The following RPTOR variants were observed in gnomAD, a reference collection of about 807,000 sequenced individuals.
RPTOR encodes regulatory-associated protein of mTOR.
Under a neutral mutation model 169.9 loss-of-function variants are expected in RPTOR, and 21 were observed. That is an observed-to-expected ratio of 0.12 (90% CI 0.09 to 0.18). The LOEUF (loss-of-function observed/expected upper bound fraction) is 0.18, where lower values mean the gene tolerates loss of function less well. Ranked by LOEUF, RPTOR falls within the 10% of genes least tolerant of loss-of-function variation. The pLI, the probability that RPTOR is intolerant of heterozygous loss-of-function variation, is 1.00. For synonymous variants in RPTOR, 732 were observed against 753.2 expected, an observed-to-expected ratio of 0.97 and a Z score of 0.46; for missense variants, 1,133 against 1,855.9, an observed-to-expected ratio of 0.61 and a Z score of 7.16.
At chr17:80,954,509 T>TCCTGTC (rs72532144) in intron 28 of RPTOR, among the ~76,000 whole-genome samples, 2 of 152,074 alleles carry the variant, frequency 1.3e-5, no homozygotes, top group South Asian at 4.1e-4. Context: ...TAAGCAATCC[T>TCCTGTC]CTGTCTCGGC....
intron 5 of RPTOR, among the ~76,000 whole-genome samples, chr17:80,753,569 C>T (rs531876666): frequency 7.2e-5 from 10 of 138,672 alleles, no homozygotes; most frequent in African/African-American, 2.7e-4. Context: ...GGAGGCGGAG[C>T]TTGCAGTGAG....
intron 24 of RPTOR, among the ~76,000 whole-genome samples, chr17:80,939,371 TCGCACACA>T (rs1476899475): frequency 1.3e-5 from 2 of 152,182 alleles, no homozygotes; most frequent in Admixed American, 6.5e-5. Context: ...ATGCACGCAC[TCGCACACA>T]CGCACACACA....
intron 3 of RPTOR, among the ~76,000 whole-genome samples, chr17:80,669,078 C>T (rs1215706867): frequency 1.3e-5 from 2 of 152,196 alleles, no homozygotes; most frequent in African/African-American, 2.4e-5. Flanking sequence ...CCAGGCTACC[C>T]TAAGTGTGCA....
chr17:80,768,290 GTGC>G (rs1387599397), intron 6 of RPTOR, among the ~76,000 whole-genome samples: 1 of 152,190 alleles, frequency 6.6e-6, no homozygotes, highest in Non-Finnish European at 1.5e-5. Context: ...GAACCATGGA[GTGC>G]GTGATCTCAC....
At chr17:80,720,722 G>A (rs2066278009) in intron 4 of RPTOR, among the ~76,000 whole-genome samples, 1 of 152,194 alleles carries the variant, frequency 6.6e-6, no homozygotes. Context: ...GCTTGAGTGC[G>A]CCCAGCATCA....
chr17:80,855,400 C>T (rs2067841069), intron 11 of RPTOR, 64 bp from the exon 12 acceptor site: 16 of 1,219,938 alleles, frequency 1.3e-5, no homozygotes, highest in Non-Finnish European at 1.6e-5. Context: ...GCTCATGCAG[C>T]AGCGTTTCGG....
chr17:80,904,071 G>A lies in RPTOR; in HGVS notation c.2402-4740G>A, dbSNP rs545197620. On this transcript the variant is annotated intron_variant, in intron 20 of 33. Transcript: ENST00000306801. ...GCTGAGAAAACGATGCAGACGCACC[G>A]CCCACCCGGCCCGGGAGGTGCTGCG... is the stretch of plus-strand genomic sequence containing the variant. Among the ~76,000 whole-genome samples, 437 of 152,336 alleles carry A rather than the reference G, an allele frequency of 2.9e-3. 3 individuals carry two copies. Among genetic ancestry groups the A allele is most frequent in the African/African-American group, 0.01 (434 of 41,580 alleles).
chr17:80,966,337 G>A lies in RPTOR; in HGVS notation c.*2007G>A, dbSNP rs1051401003. The A allele has an allele frequency of 4.3e-6, 1 of 230,274 alleles. No homozygotes were observed. The highest frequency in any genetic ancestry group is 8.6e-6 in the Non-Finnish European group (1 of 116,200). The allele number at this position is 230,274 out of a possible 1,614,324, so 14.3% of individuals were successfully genotyped here. A position where few individuals can be genotyped will look rare whatever the true frequency, so the allele number is the denominator to read the frequency against. ...AAATGGTAATGTGAAGCTAAGAGCA[G>A]AGAGTGACCAACAGTAAACAACACG... On this transcript the variant is annotated 3_prime_UTR_variant, in exon 34 of 34. Transcript: ENST00000306801.
chr17:80,956,636 C>T (rs1402285337), intron 28 of RPTOR, among the ~76,000 whole-genome samples: 1 of 152,250 alleles, frequency 6.6e-6, no homozygotes, highest in Non-Finnish European at 1.5e-5. Flanking sequence ...GCCAGTTCTG[C>T]CCAGGCGTCC....
In RPTOR at chr17:80,957,524, C is replaced by T. The variant is rs1310017988; in HGVS notation, c.3371-100C>T. 2.1e-5 allele frequency: 23 copies of T among 1,071,846 alleles called. No homozygotes were observed. Among genetic ancestry groups the T allele is most frequent in the East Asian group, 2.4e-5 (1 of 42,220 alleles). 66.4% of individuals were successfully genotyped at this position (1,071,846 alleles called of 1,614,324 possible). On this transcript the variant is annotated intron_variant, in intron 28 of 33. Coordinates refer to ENST00000306801, the MANE Select transcript of RPTOR (RefSeq NM_020761.3). The surrounding 1 kb of genome is among the most constrained non-coding windows in gnomAD (Gnocchi z 4.6). ...GATGGGCTCGATGGTGGCAGGGGTA[C>T]CTTGTAGCTGCTGGCCAAATTGCTG...
At chr17:80,840,502 C>T (rs529442477) in intron 10 of RPTOR, among the ~76,000 whole-genome samples, 5 of 142,044 alleles carry the variant, frequency 3.5e-5, no homozygotes, top group African/African-American at 1.1e-4. Flanking sequence ...TCTCACCACA[C>T]GGCAGCTCAC....
intron 26 of RPTOR, among the ~76,000 whole-genome samples, chr17:80,946,573 C>T (rs916082210): frequency 5.9e-5 from 9 of 152,340 alleles, no homozygotes; most frequent in African/African-American, 1.4e-4. Context: ...TGGAGTCACC[C>T]GGGATTTGGC....
At chr17:80,932,598 A>C (rs542126793) in intron 24 of RPTOR, among the ~76,000 whole-genome samples, 1 of 152,338 alleles carries the variant, frequency 6.6e-6, no homozygotes, top group Non-Finnish European at 1.5e-5. Context: ...CCAGAGGCCT[A>C]TCTGTGACCT....
intron 20 of RPTOR, among the ~76,000 whole-genome samples, chr17:80,902,319 C>T (rs997323550): frequency 6.6e-6 from 1 of 152,218 alleles, no homozygotes; most frequent in African/African-American, 2.4e-5. Flanking sequence ...AGCCTCCTGC[C>T]CCCCGTCTCA....
At chr17:80,817,846 C>T (rs868546328) in intron 7 of RPTOR, among the ~76,000 whole-genome samples, 1 of 152,140 alleles carries the variant, frequency 6.6e-6, no homozygotes, top group South Asian at 2.1e-4. Flanking sequence ...CTTGGCATTT[C>T]GGAGCTGGCC....
At chr17:80,865,875 G>A (rs528443362) in intron 13 of RPTOR, among the ~76,000 whole-genome samples, 6 of 152,152 alleles carry the variant, frequency 3.9e-5, no homozygotes, top group Admixed American at 3.3e-4. Context: ...CGATAGGCCC[G>A]ACCCTTGGCC....
intron 33 of RPTOR, among the ~76,000 whole-genome samples, 193 bp from the exon 34 acceptor site, chr17:80,964,069 C>A (rs1178819839): frequency 6.6e-6 from 1 of 152,176 alleles, no homozygotes. Context: ...ACGCCCCTCA[C>A]GGAGTGCACC....
At chr17:80,804,658 A>T (rs1428567762) in intron 7 of RPTOR, 1 of 152,268 alleles carries the variant, frequency 6.6e-6, no homozygotes, top group Non-Finnish European at 1.5e-5. Context: ...CAGAGAGGTT[A>T]ACTCACCTGC....
At chr17:80,555,899 TG>T (rs1455711156) in intron 1 of RPTOR, among the ~76,000 whole-genome samples, 1 of 151,288 alleles carries the variant, frequency 6.6e-6, no homozygotes, top group Non-Finnish European at 1.5e-5. Context: ...AGACTGGAGG[TG>T]GGGGCACCAA....
Sources: gnomAD v4.1 joint callset for allele counts (sites outside exome capture counted in the v4.1 genomes callset) on GRCh38, gnomAD v4.1.1 for gene constraint, Gnocchi (gnomAD v3.1) non-coding constraint, MANE v1.5 for transcripts, NCBI Gene and HGNC (gene_info 2026-07-23, HGNC 2026-07-21) for gene names.